OTOGL: variants seen among roughly 807,000 people sequenced by gnomAD.
The protein encoded by OTOGL is otogelin-like protein.
A neutral mutation model predicts 318.5 loss-of-function variants in OTOGL; 285 were observed. That is an observed-to-expected ratio of 0.89 (90% CI 0.81 to 0.99). The LOEUF (loss-of-function observed/expected upper bound fraction) is 0.99, where lower values mean the gene tolerates loss of function less well. Among genes scored for constraint, OTOGL ranks in the 50% least tolerant of loss-of-function variants. The probability of loss-of-function intolerance (pLI) is 0.00; values close to 1 mark genes in which losing one functional copy is unlikely to be tolerated. For missense variants in OTOGL, 2,899 were observed against 2,845.6 expected, an observed-to-expected ratio of 1.02 and a Z score of -0.43; for synonymous variants, 987 against 936.5, an observed-to-expected ratio of 1.05 and a Z score of -0.99.
intron 44 of OTOGL, among the ~76,000 whole-genome samples, chr12:80,345,048 A>G (rs903836889): frequency 7.6e-4 from 96 of 126,190 alleles, no homozygotes; most frequent in Non-Finnish European, 1.4e-3. Context: ...ATATATTATT[A>G]TATGTTATAT....
intron 7 of OTOGL, among the ~76,000 whole-genome samples, chr12:80,226,279 A>AT (rs1313782468): frequency 2.6e-5 from 4 of 151,076 alleles, no homozygotes; most frequent in Non-Finnish European, 5.9e-5. Context: ...AATAATTTAT[A>AT]TTTTTTATAT....
In OTOGL at chr12:80,320,840, C is replaced by T. The variant is rs1887286995; in HGVS notation, c.4081+140C>T. On this transcript the variant is annotated intron_variant, in intron 34 of 58. Coordinates refer to ENST00000547103, the MANE Select transcript of OTOGL (RefSeq NM_001378609.3). ...TGACCTTAAGTAAGTGTCTTAACCT[C>T]TATACCCCTCTATATCTCCAATATA... The T allele has an allele frequency of 9.4e-6, 7 of 745,648 alleles. No individual in the cohort carries two copies. In the East Asian group the frequency reaches 1.9e-4, roughly 20 times the overall value. 46.2% of individuals were successfully genotyped at this position (745,648 alleles called of 1,614,324 possible).
chr12:80,370,574 G>A lies in OTOGL; in HGVS notation c.6620G>A (p.Gly2207Glu). The A allele has an allele frequency of 6.6e-7, 1 of 1,522,312 alleles. No homozygotes were observed. Among genetic ancestry groups the A allele is most frequent in the African/African-American group, 1.4e-5 (1 of 70,646 alleles). 94.3% of individuals were successfully genotyped at this position (1,522,312 alleles called of 1,614,324 possible). ...ENGTSVVYAVGSTWHYNCTTY... is the reference protein window; with the variant it reads ...ENGTSVVYAVESTWHYNCTTY... ...AACTTTCTTTTTGATTTTTAGGTAG[G>A]GAGTACCTGGCACTACAATTGCACC... Residue 2207 changes from glycine (G) to glutamate (E), a missense_variant, in exon 56 of 59, where the codon GGG (glycine) becomes GAG (glutamate). Physicochemically the swap from Gly to Glu is moderately conservative, Grantham distance 98 (BLOSUM62 -2). This residue lies in a region of OTOGL where 289 missense variants were observed against 304.6 expected (regional missense o/e 0.95). Coordinates refer to ENST00000547103, the MANE Select transcript of OTOGL (RefSeq NM_001378609.3).
chr12:80,140,007 C>G (rs1237177485), intron 1 of OTOGL, among the ~76,000 whole-genome samples: 1 of 152,154 alleles, frequency 6.6e-6, no homozygotes, highest in Non-Finnish European at 1.5e-5. Flanking sequence ...CATTCTCTTA[C>G]CATGCTATTT....
chr12:80,237,568 AG>A (rs1443702089), intron 9 of OTOGL, among the ~76,000 whole-genome samples: 1 of 152,194 alleles, frequency 6.6e-6, no homozygotes, highest in African/African-American at 2.4e-5. Context: ...GAGTGTTTGA[AG>A]AACAGCACAA....
At chr12:80,300,353 A>C (rs1885678679) in intron 27 of OTOGL, among the ~76,000 whole-genome samples, 1 of 151,800 alleles carries the variant, frequency 6.6e-6, no homozygotes, top group South Asian at 2.1e-4. Flanking sequence ...AGTCCAACTC[A>C]TCCTGCCTGT....
At chr12:80,252,665 C>G (rs1480074929) in intron 13 of OTOGL, among the ~76,000 whole-genome samples, 1 of 152,034 alleles carries the variant, frequency 6.6e-6, no homozygotes, top group East Asian at 1.9e-4. Flanking sequence ...TTCTAAAGAA[C>G]ACTGAGGATT....
chr12:80,323,659 G>A (rs1053857594), intron 34 of OTOGL, 64 bp from the exon 35 acceptor site: 3 of 1,244,500 alleles, frequency 2.4e-6, no homozygotes, highest in Non-Finnish European at 3.5e-6. Context: ...GAAAGAAAAG[G>A]GAATTGTTAG....
intron 18 of OTOGL, 67 bp downstream of exon 18, chr12:80,258,069 A>G: frequency 7.5e-7 from 1 of 1,339,528 alleles, no homozygotes; most frequent in Non-Finnish European, 9.8e-7. Flanking sequence ...AAATTCATTA[A>G]AAATGTTTAC....
At chr12:80,182,381 T>G (rs1003045817) in intron 1 of OTOGL, among the ~76,000 whole-genome samples, 8 of 152,182 alleles carry the variant, frequency 5.3e-5, no homozygotes, top group Non-Finnish European at 8.8e-5. Context: ...TAAATCCAAC[T>G]GACCCAATAA....
At chr12:80,155,637 A>G (rs1191098169) in intron 1 of OTOGL, among the ~76,000 whole-genome samples, 2 of 152,316 alleles carry the variant, frequency 1.3e-5, no homozygotes, top group Middle Eastern at 3.4e-3. Flanking sequence ...TTATAATCTT[A>G]GTTATTTTTA....
At chr12:80,104,241 G>C (rs1399583355) in intron 1 of OTOGL, among the ~76,000 whole-genome samples, 1 of 152,138 alleles carries the variant, frequency 6.6e-6, no homozygotes, top group Non-Finnish European at 1.5e-5. Context: ...CTTGTGATGG[G>C]GCCAGGATCC....
chr12:80,139,421 T>C (rs1871785369), intron 1 of OTOGL, among the ~76,000 whole-genome samples: 1 of 152,166 alleles, frequency 6.6e-6, no homozygotes, highest in Non-Finnish European at 1.5e-5. Context: ...AGTTACAACG[T>C]TCAGTGTTGA....
chr12:80,260,091 G>A (rs1033670889), intron 18 of OTOGL, among the ~76,000 whole-genome samples: 3 of 152,182 alleles, frequency 2.0e-5, no homozygotes, highest in African/African-American at 4.8e-5. Flanking sequence ...TTAGGAACTA[G>A]CATAGAACCT....
In OTOGL at chr12:80,099,577, G is replaced by A. The variant is rs1324651034; in HGVS notation, c.-48G>A. The A allele has an allele frequency of 6.6e-6, 1 of 152,116 alleles. No homozygotes were observed. Among genetic ancestry groups the A allele is most frequent in the Admixed American group, 6.5e-5 (1 of 15,278 alleles). 9.4% of individuals were successfully genotyped at this position (152,116 alleles called of 1,614,324 possible). A position where few individuals can be genotyped will look rare whatever the true frequency, so the allele number is the denominator to read the frequency against. On this transcript the variant is annotated 5_prime_UTR_variant, in exon 1 of 59. Transcript: ENST00000547103. Reference sequence around the variant, plus strand: ...GGAGCTCTCGAAATACAACCCATAAGGAATAAAGCCATAGCCAGTGCTTCC... The same window carrying A: ...GGAGCTCTCGAAATACAACCCATAAAGAATAAAGCCATAGCCAGTGCTTCC...
chr12:80,217,950 C>A (rs1877905278), intron 5 of OTOGL, among the ~76,000 whole-genome samples: 1 of 152,120 alleles, frequency 6.6e-6, no homozygotes, highest in Non-Finnish European at 1.5e-5. Context: ...GCTCTTTGAT[C>A]CCTGTTTTTT....
At chr12:80,286,098 T>C (rs957517162) in intron 26 of OTOGL, among the ~76,000 whole-genome samples, 1 of 152,238 alleles carries the variant, frequency 6.6e-6, no homozygotes, top group African/African-American at 2.4e-5. Flanking sequence ...TTTAATTTTA[T>C]TGAAGGCCTT....
chr12:80,161,704 G>C (rs527772088), intron 1 of OTOGL, among the ~76,000 whole-genome samples: 1 of 152,208 alleles, frequency 6.6e-6, no homozygotes, highest in Non-Finnish European at 1.5e-5. Flanking sequence ...GATAGTGGGA[G>C]GAGCAAGGTT....
chr12:80,246,375 G>A (rs1294644868), intron 11 of OTOGL, among the ~76,000 whole-genome samples: 14 of 141,970 alleles, frequency 9.9e-5, no homozygotes, highest in Non-Finnish European at 3.0e-5. Flanking sequence ...AGCATGAAGG[G>A]TTGTTGAATT....
Sources: gnomAD v4.1 joint callset for allele counts (sites outside exome capture counted in the v4.1 genomes callset) on GRCh38, gnomAD v4.1.1 for gene constraint, gnomAD v4.1.1 regional missense constraint, MANE v1.5 for transcripts, NCBI Gene and HGNC (gene_info 2026-07-23, HGNC 2026-07-21) for gene names.